The following SEMA3D variants were observed in gnomAD, a reference collection of about 807,000 sequenced individuals.
The protein encoded by SEMA3D is semaphorin 3D, also known as semaphorin-3D.
Under a neutral mutation model 100.1 loss-of-function variants are expected in SEMA3D, and 84 were observed. The observed-to-expected ratio is 0.84, with a 90% CI of 0.70 to 1.01. The LOEUF (loss-of-function observed/expected upper bound fraction) is 1.01. SEMA3D is among the 50% of genes least tolerant of loss of function. The pLI is 0.00. For missense variants in SEMA3D, 875 were observed against 934.1 expected, an observed-to-expected ratio of 0.94 and a Z score of 0.82; for synonymous variants, 312 against 320.7, an observed-to-expected ratio of 0.97 and a Z score of 0.29.
chr7:84,997,612 G>A lies in SEMA3D; in HGVS notation c.*1828C>T, dbSNP rs764456181. ...AGTTTGACTACTTTGAGATAGGTAA[G>A]CAATGCAAATAAAATAAAAATAACA... is the stretch of plus-strand genomic sequence containing the variant. On this transcript the variant is annotated 3_prime_UTR_variant, in exon 19 of 19. Coordinates refer to ENST00000284136, the MANE Select transcript of SEMA3D (RefSeq NM_001384900.1). 6.6e-6 allele frequency: 1 copy of A among 152,286 alleles called. No individual in the cohort carries two copies. The highest frequency in any genetic ancestry group is 2.1e-4 in the South Asian group (1 of 4,832). The allele number at this position is 152,286 out of a possible 1,614,324, so 9.4% of individuals were successfully genotyped here.
At chr7:85,059,313 G>C (rs80033217) in intron 8 of SEMA3D, among the ~76,000 whole-genome samples, 4,608 of 152,194 alleles carry the variant, frequency 0.03, 236 homozygotes, top group African/African-American at 0.1. Context: ...GTATATATGG[G>C]GGCGTGGGGA....
At chr7:85,084,614 AACTTTT>A (rs984631524) in intron 4 of SEMA3D, among the ~76,000 whole-genome samples, 9 of 140,642 alleles carry the variant, frequency 6.4e-5, no homozygotes, top group Admixed American at 4.9e-4. Flanking sequence ...CTTTCTTTTT[AACTTTT>A]ACTTTTAAGT....
chr7:85,161,620 G>C (rs561996777), intron 1 of SEMA3D, among the ~76,000 whole-genome samples: 1 of 152,132 alleles, frequency 6.6e-6, no homozygotes, highest in African/African-American at 2.4e-5. Flanking sequence ...ACGTAGGAGT[G>C]AGATGGCTCT....
At position 84,998,813 on chromosome 7, in the gene SEMA3D, T is replaced by TG. The variant is rs1294723693; in HGVS notation, c.*626dup. On this transcript the variant is annotated 3_prime_UTR_variant, in exon 19 of 19. Coordinates refer to ENST00000284136, the MANE Select transcript of SEMA3D (RefSeq NM_001384900.1). Reference sequence around the variant, plus strand: ...ACTCCTGACTAGTCAATAGAAATCCTGGGGGAAACATTAGTGCCCTTCAGT... The same window carrying TG: ...ACTCCTGACTAGTCAATAGAAATCCTGGGGGGAAACATTAGTGCCCTTCAGT... 2 of 152,596 alleles carry TG rather than the reference T, an allele frequency of 1.3e-5. No individual in the cohort carries two copies. The highest frequency in any genetic ancestry group is 4.8e-5 in the African/African-American group (2 of 41,432). The allele number at this position is 152,596 out of a possible 1,614,324, so 9.5% of individuals were successfully genotyped here.
chr7:85,001,545 TTAGA>T lies in SEMA3D; in HGVS notation c.1909-1684_1909-1681del, dbSNP rs201386562. ...CACTACGTATAATTGTTTTTTTCCC[TTAGA>T]TAATTTCATTGTAATTTTTTAAAAT... On this transcript the variant is annotated intron_variant, in intron 18 of 18. Transcript: ENST00000284136. 1.2e-4 allele frequency among the ~76,000 whole-genome samples: 18 copies of T among 152,264 alleles called. No individual in the cohort carries two copies. The East Asian group carries it at 3.3e-3, about 28-fold the overall frequency.
chr7:85,037,019 C>T lies in SEMA3D; in HGVS notation c.1061G>A (p.Gly354Asp), dbSNP rs367600982. Residue 354 changes from glycine to aspartate, a missense_variant, in exon 12 of 19, where the codon GGC becomes GAC. Physicochemically the swap from Gly to Asp is moderately conservative, Grantham distance 94. Transcript: ENST00000284136. The stretch of plus-strand genomic sequence containing the variant: ...CATGCTATACACACAAACAGCAGAG[C>T]CTTTGAAGATGGAGCTGGAAAAAAA... ...VFTTTSSIFK[G>D]SAVCVYSMAD... 1.2e-6 allele frequency: 2 copies of T among 1,611,046 alleles called. No individual in the cohort carries two copies. Among genetic ancestry groups the T allele is most frequent in the Non-Finnish European group, 8.5e-7 (1 of 1,179,056 alleles).
intron 18 of SEMA3D, 111 bp downstream of exon 18, chr7:85,006,691 T>A: frequency 1.2e-6 from 1 of 854,164 alleles, no homozygotes; most frequent in Non-Finnish European, 1.7e-6. Flanking sequence ...AAACCTGTTA[T>A]TTTTTTTAAT....
intron 17 of SEMA3D, among the ~76,000 whole-genome samples, chr7:85,009,672 C>G (rs1789898178): frequency 6.6e-6 from 1 of 151,456 alleles, no homozygotes; most frequent in Non-Finnish European, 1.5e-5. Flanking sequence ...TCACATAGAC[C>G]CTTTCACAAA....
chr7:85,187,304 T>C (rs1432163930), upstream of SEMA3D, among the ~76,000 whole-genome samples: 1 of 152,198 alleles, frequency 6.6e-6, no homozygotes, highest in Non-Finnish European at 1.5e-5. Flanking sequence ...TCTGGGTGAC[T>C]TGGGGACTTC....
At chr7:85,107,200 T>G (rs1327022821) in intron 3 of SEMA3D, among the ~76,000 whole-genome samples, 1 of 152,032 alleles carries the variant, frequency 6.6e-6, no homozygotes, top group Admixed American at 6.6e-5. Flanking sequence ...AATTCAATTT[T>G]CATAGATTCA....
intron 17 of SEMA3D, among the ~76,000 whole-genome samples, chr7:85,011,421 G>A (rs1458237645): frequency 6.6e-6 from 1 of 151,736 alleles, no homozygotes; most frequent in Non-Finnish European, 1.5e-5. Context: ...GTAAAGTGAA[G>A]ACAAAAATTG....
chr7:85,133,181 GCTAT>G (rs1469842731), intron 2 of SEMA3D, among the ~76,000 whole-genome samples: 2 of 151,928 alleles, frequency 1.3e-5, no homozygotes, highest in African/African-American at 4.8e-5. Context: ...GAATATTTGT[GCTAT>G]CTAATTTCCC....
At chr7:85,159,344 T>C (rs1323311044) in intron 1 of SEMA3D, among the ~76,000 whole-genome samples, 1 of 152,146 alleles carries the variant, frequency 6.6e-6, no homozygotes, top group African/African-American at 2.4e-5. Context: ...CTACCCCTTT[T>C]TAACAGTCAT....
chr7:85,028,265 C>G, intron 12 of SEMA3D: 1 of 699,934 alleles, frequency 1.4e-6, no homozygotes, highest in South Asian at 1.5e-5. Context: ...GTCACAGTGC[C>G]AGCTTACTTG....
the SEMA3D span, among the ~76,000 whole-genome samples, chr7:85,197,054 C>A: frequency 2.0e-5 from 3 of 152,132 alleles, no homozygotes; most frequent in East Asian, 1.9e-4. Context: ...TACTTCCCAA[C>A]CTGACTCTGT....
At chr7:85,091,347 A>G (rs779329806) in intron 4 of SEMA3D, among the ~76,000 whole-genome samples, 6 of 152,016 alleles carry the variant, frequency 3.9e-5, no homozygotes, top group Non-Finnish European at 2.9e-5. Context: ...TGGTTTAGAG[A>G]CTTGTTCCAT....
intron 8 of SEMA3D, among the ~76,000 whole-genome samples, chr7:85,063,595 G>T (rs1791534710): frequency 6.6e-6 from 1 of 151,932 alleles, no homozygotes; most frequent in Admixed American, 6.6e-5. Flanking sequence ...AATATTCTTT[G>T]CAGTATATTC....
intron 1 of SEMA3D, among the ~76,000 whole-genome samples, chr7:85,170,278 C>T (rs986555702): frequency 1.3e-5 from 2 of 151,778 alleles, no homozygotes; most frequent in African/African-American, 4.8e-5. Flanking sequence ...TTCTGTATCT[C>T]ATTATTTTAG....
chr7:85,212,024 C>G, the SEMA3D span, among the ~76,000 whole-genome samples: 5 of 152,006 alleles, frequency 3.3e-5, no homozygotes, highest in East Asian at 7.7e-4. Context: ...TTTGACCATG[C>G]CTGATGCCAT....
Sources: allele counts gnomAD v4.1 joint callset (sites outside exome capture counted in the v4.1 genomes callset), GRCh38; gene constraint gnomAD v4.1.1; transcripts MANE v1.5; gene names NCBI Gene and HGNC (gene_info 2026-07-23, HGNC 2026-07-21).